The following PPARG variants were observed in gnomAD, a reference collection of about 807,000 sequenced individuals.
PPARG encodes peroxisome proliferator-activated receptor gamma.
PPARG carries 17 observed loss-of-function variants against 39.2 expected under a neutral mutation model. The observed-to-expected ratio is 0.43, with a 90% CI of 0.30 to 0.65. The LOEUF (loss-of-function observed/expected upper bound fraction) is 0.65, where lower values mean the gene tolerates loss of function less well. Ranked by LOEUF, PPARG falls within the 30% of genes least tolerant of loss-of-function variation. The pLI is 0.13. For synonymous variants in PPARG, 223 were observed against 215.7 expected, an observed-to-expected ratio of 1.03 and a Z score of -0.30; for missense variants, 406 against 585.9, an observed-to-expected ratio of 0.69 and a Z score of 3.17.
intron 1 of PPARG, among the ~76,000 whole-genome samples, chr3:12,310,791 TAAAAAAAAA>T (rs761238501): frequency 1.2e-4 from 6 of 50,332 alleles, no homozygotes; most frequent in South Asian, 1.2e-3. Flanking sequence ...GCCTTAAATG[TAAAAAAAAA>T]AAAAAAAAAA....
intron 1 of PPARG, among the ~76,000 whole-genome samples, chr3:12,293,165 C>A (rs1266179273): frequency 1.3e-5 from 2 of 151,980 alleles, no homozygotes; most frequent in Non-Finnish European, 2.9e-5. Flanking sequence ...TTTCCTACTG[C>A]GATTTTTTAG....
intron 2 of PPARG, among the ~76,000 whole-genome samples, chr3:12,379,454 A>G (rs974891224): frequency 6.6e-6 from 1 of 152,230 alleles, no homozygotes. Context: ...AGGCATTTAT[A>G]TGGATACACT....
intron 3 of PPARG, among the ~76,000 whole-genome samples, chr3:12,380,361 A>G (rs534093758): frequency 6.6e-6 from 1 of 152,254 alleles, no homozygotes; most frequent in Admixed American, 6.5e-5. Flanking sequence ...CATTTTTTCT[A>G]GTATGTCCTT....
intron 2 of PPARG, among the ~76,000 whole-genome samples, chr3:12,350,859 A>G (rs578195380): frequency 1.6e-4 from 24 of 152,336 alleles, no homozygotes; most frequent in African/African-American, 5.1e-4. Context: ...TTTTTAAGAA[A>G]GCAAACCCGA....
chr3:12,342,184 T>C (rs2048203019), intron 2 of PPARG, among the ~76,000 whole-genome samples: 1 of 152,204 alleles, frequency 6.6e-6, no homozygotes, highest in South Asian at 2.1e-4. Flanking sequence ...TCCTTGGATA[T>C]AGTGTCCAGT....
chr3:12,302,126 A>T (rs2046942263), intron 1 of PPARG, among the ~76,000 whole-genome samples: 2 of 152,224 alleles, frequency 1.3e-5, no homozygotes, highest in African/African-American at 4.8e-5. Context: ...GAAGGCTAAG[A>T]TCAGTGTGGA....
intron 2 of PPARG, among the ~76,000 whole-genome samples, chr3:12,333,195 G>A (rs967022034): frequency 1.3e-5 from 2 of 152,158 alleles, no homozygotes; most frequent in African/African-American, 4.8e-5. Context: ...AGTTCAGGGA[G>A]AAGGAAGCTA....
chr3:12,296,650 G>A (rs1386716078), intron 1 of PPARG, among the ~76,000 whole-genome samples: 1 of 152,174 alleles, frequency 6.6e-6, no homozygotes, highest in Middle Eastern at 3.2e-3. Flanking sequence ...GCTCAGTAGT[G>A]GTGTCAATAA....
intron 2 of PPARG, among the ~76,000 whole-genome samples, chr3:12,367,201 A>G (rs190516452): frequency 6.6e-6 from 1 of 152,278 alleles, no homozygotes; most frequent in African/African-American, 2.4e-5. Flanking sequence ...TTTAATGTCA[A>G]TGAGATCTGT....
chr3:12,338,276 A>G (rs149252504), intron 2 of PPARG, among the ~76,000 whole-genome samples: 1 of 152,252 alleles, frequency 6.6e-6, no homozygotes, highest in Non-Finnish European at 1.5e-5. Context: ...TAACCATGAC[A>G]CTGATGAGCT....
intron 2 of PPARG, among the ~76,000 whole-genome samples, chr3:12,334,906 T>G (rs2047966563): frequency 6.6e-6 from 1 of 152,232 alleles, no homozygotes; most frequent in Non-Finnish European, 1.5e-5. Flanking sequence ...CTTTATTTTG[T>G]TTATTCCCAT....
intron 5 of PPARG, chr3:12,399,486 C>G: frequency 4.6e-6 from 2 of 434,570 alleles, no homozygotes; most frequent in Non-Finnish European, 9.2e-6. Context: ...ACTCAGGAGG[C>G]TGAGGTAGGA....
intron 2 of PPARG, among the ~76,000 whole-genome samples, chr3:12,314,927 A>G (rs1281543208): frequency 1.3e-5 from 2 of 152,340 alleles, no homozygotes; most frequent in African/African-American, 4.8e-5. Context: ...GGTAAGTAGC[A>G]TATCCATCAC....
intron 2 of PPARG, among the ~76,000 whole-genome samples, chr3:12,352,635 C>T (rs1179099036): frequency 6.6e-6 from 1 of 152,120 alleles, no homozygotes; most frequent in Non-Finnish European, 1.5e-5. Context: ...AAAATTAAGT[C>T]ACTTAATTGC....
chr3:12,298,733 T>G (rs1382468389), intron 1 of PPARG, among the ~76,000 whole-genome samples: 1 of 152,348 alleles, frequency 6.6e-6, no homozygotes, highest in South Asian at 2.1e-4. Flanking sequence ...AATATTTAGT[T>G]TATAGATCTT....
chr3:12,368,406 T>G (rs528330393), intron 2 of PPARG, among the ~76,000 whole-genome samples: 28 of 152,082 alleles, frequency 1.8e-4, no homozygotes, highest in Non-Finnish European at 4.0e-4. Context: ...GGTCTCGAAC[T>G]CCTGACCTCA....
At chr3:12,393,264 G>A (rs1575106975) in intron 5 of PPARG, among the ~76,000 whole-genome samples, 1 of 142,966 alleles carries the variant, frequency 7.0e-6, no homozygotes, top group Non-Finnish European at 1.5e-5. Flanking sequence ...TTCAAGGAAC[G>A]TCCATGAGTT....
intron 2 of PPARG, among the ~76,000 whole-genome samples, chr3:12,330,328 TC>T (rs1451935954): frequency 1.4e-5 from 2 of 141,368 alleles, no homozygotes; most frequent in African/African-American, 5.2e-5. Context: ...AAAAAAGCTG[TC>T]CTATTAGGTG....
chr3:12,306,783 T>C (rs1339129889), intron 1 of PPARG, among the ~76,000 whole-genome samples: 6 of 152,198 alleles, frequency 3.9e-5, no homozygotes, highest in Non-Finnish European at 5.9e-5. Flanking sequence ...TTATATTTAG[T>C]AACTTCATCA....
Sources: gnomAD v4.1 joint callset for allele counts (sites outside exome capture counted in the v4.1 genomes callset) on GRCh38, gnomAD v4.1.1 for gene constraint, MANE v1.5 for transcripts, NCBI Gene and HGNC (gene_info 2026-07-23, HGNC 2026-07-21) for gene names.